Variants in THEM4 observed in about 807,000 individuals in gnomAD.
THEM4 encodes the protein acyl-coenzyme A thioesterase THEM4.
In THEM4, 22 loss-of-function variants were observed where a neutral mutation model predicts 25.0. That is an observed-to-expected ratio of 0.88 (90% CI 0.63 to 1.26). The LOEUF is 1.26. THEM4 is among the 50% of genes most tolerant of loss of function. THEM4 has a pLI of 0.00. For synonymous variants in THEM4, 113 were observed against 105.6 expected, an observed-to-expected ratio of 1.07 and a Z score of -0.43; for missense variants, 286 against 300.3, an observed-to-expected ratio of 0.95 and a Z score of 0.35.
intron 1 of THEM4, 50 bp downstream of exon 1, chr1:151,909,310 G>T: frequency 7.0e-7 from 1 of 1,426,376 alleles, no homozygotes; most frequent in East Asian, 2.8e-5. Context: ...TACCGCAGGC[G>T]TGTTTCTGAG....
intron 2 of THEM4, among the ~76,000 whole-genome samples, chr1:151,893,583 A>G (rs1448764240): frequency 2.0e-5 from 3 of 152,054 alleles, no homozygotes; most frequent in African/African-American, 7.2e-5. Context: ...AAGAGTGTGG[A>G]TGGTTCACTC....
chr1:151,877,228 T>C lies in THEM4; in HGVS notation c.558-103A>G, dbSNP rs191520356. On this transcript the variant is annotated intron_variant, in intron 4 of 5. Coordinates refer to ENST00000368814, the MANE Select transcript of THEM4 (RefSeq NM_053055.5). The stretch of plus-strand genomic sequence containing the variant: ...ACAAGGGATAGAAATTTATGACACC[T>C]GACAACAATGAGCACTGACTGCCTT... 105 of 1,212,140 alleles carry C rather than the reference T, an allele frequency of 8.7e-5. No homozygotes were observed. In the Admixed American group the frequency reaches 2.1e-3, roughly 24 times the overall value. The allele number at this position is 1,212,140 out of a possible 1,614,324, so 75.1% of individuals were successfully genotyped here. A position where few individuals can be genotyped will look rare whatever the true frequency, so the allele number is the denominator to read the frequency against.
chr1:151,877,089 GC>G lies in THEM4; in HGVS notation c.593del (p.Ser198ThrfsTer34), dbSNP rs1210864029. The G allele has an allele frequency of 6.2e-7, 1 of 1,613,360 alleles. No homozygotes were observed. The highest frequency in any genetic ancestry group is 8.5e-7 in the Non-Finnish European group (1 of 1,179,698). ...TCCTTCCTTCAACTTTATCAAGTTGGCTATTTATCATAACAACAGAACAAAG... is the reference window on the plus strand; with the variant it reads ...TCCTTCCTTCAACTTTATCAAGTTGGTATTTATCATAACAACAGAACAAAG... ...IPLCSVVMIN[S>X]QLDKVEGRKF... On this transcript the variant is annotated frameshift_variant, in exon 5 of 6. Coordinates refer to ENST00000368814, the MANE Select transcript of THEM4 (RefSeq NM_053055.5). LOFTEE classifies it high-confidence loss of function.
At chr1:151,896,522 A>T (rs1654229238) in intron 1 of THEM4, among the ~76,000 whole-genome samples, 1 of 152,206 alleles carries the variant, frequency 6.6e-6, no homozygotes, top group Non-Finnish European at 1.5e-5. Flanking sequence ...ACTATTTATT[A>T]TCCTCATTTT....
rs2101711442 is a variant in THEM4 at position 151,871,447 on chromosome 1, G to C, written c.*3441C>G. Among the ~76,000 whole-genome samples, 1 of 152,234 alleles carries C rather than the reference G, an allele frequency of 6.6e-6. No homozygotes were observed. Among genetic ancestry groups the C allele is most frequent in the Admixed American group, 6.5e-5 (1 of 15,274 alleles). Reference sequence around the variant, plus strand: ...TGGAGTGGAGCTGGCAATTCTGATAGCATCTCTCTCCTTCTTTCTACCTGT... The same window carrying C: ...TGGAGTGGAGCTGGCAATTCTGATACCATCTCTCTCCTTCTTTCTACCTGT... On this transcript the variant is annotated 3_prime_UTR_variant, in exon 6 of 6. Coordinates refer to ENST00000368814, the MANE Select transcript of THEM4 (RefSeq NM_053055.5).
intron 4 of THEM4, among the ~76,000 whole-genome samples, chr1:151,880,101 C>T (rs915604677): frequency 2.6e-5 from 4 of 151,996 alleles, no homozygotes; most frequent in Admixed American, 2.6e-4. Context: ...ATCCTCCTGC[C>T]TCAGCCTCCC....
chr1:151,908,592 A>T (rs1284946794), intron 1 of THEM4, among the ~76,000 whole-genome samples: 6 of 152,238 alleles, frequency 3.9e-5, no homozygotes, highest in Non-Finnish European at 7.3e-5. Context: ...AAGGGTGTTA[A>T]AAGAATTTTC....
At chr1:151,898,484 G>A (rs1250426552) in intron 1 of THEM4, among the ~76,000 whole-genome samples, 1 of 152,162 alleles carries the variant, frequency 6.6e-6, no homozygotes, top group African/African-American at 2.4e-5. Flanking sequence ...AGCCCCAGGT[G>A]ATGGTCCTTC....
At chr1:151,877,545 C>G (rs1347286903) in intron 4 of THEM4, among the ~76,000 whole-genome samples, 6 of 152,198 alleles carry the variant, frequency 3.9e-5, no homozygotes, top group Non-Finnish European at 8.8e-5. Context: ...ATTTCTCATT[C>G]AATTCTGAGT....
rs1242191991 is a variant in THEM4, at chr1:151,909,496, G to C, written c.-38C>G. On this transcript the variant is annotated 5_prime_UTR_variant, in exon 1 of 6. Coordinates refer to ENST00000368814, the MANE Select transcript of THEM4 (RefSeq NM_053055.5). ...CGGGGCCGCGCTTGCTCTAGCCCTGGACGGCGCACTCTACCTCCGCCACAA... is the reference window on the plus strand; with the variant it reads ...CGGGGCCGCGCTTGCTCTAGCCCTGCACGGCGCACTCTACCTCCGCCACAA... 7.5e-7 allele frequency: 1 copy of C among 1,338,360 alleles called. No homozygotes were observed. The allele number at this position is 1,338,360 out of a possible 1,614,324, so 82.9% of individuals were successfully genotyped here. A position where few individuals can be genotyped will look rare whatever the true frequency, so the allele number is the denominator to read the frequency against.
At chr1:151,884,686 T>G (rs151261316) in intron 4 of THEM4, among the ~76,000 whole-genome samples, 2 of 29,268 alleles carry the variant, frequency 6.8e-5, no homozygotes, top group Non-Finnish European at 1.7e-4. Flanking sequence ...TCCTTTTTTT[T>G]GTTTTTTTTT....
At chr1:151,888,161 TG>T in intron 4 of THEM4, 111 bp downstream of exon 4, 1 of 762,676 alleles carries the variant, frequency 1.3e-6, no homozygotes, top group Non-Finnish European at 2.1e-6. Flanking sequence ...TAGTCTCCTC[TG>T]GGAGCACTTC....
intron 1 of THEM4, among the ~76,000 whole-genome samples, chr1:151,899,482 C>CAAA (rs58168472): frequency 7.5e-4 from 71 of 94,628 alleles, no homozygotes; most frequent in African/African-American, 2.1e-3. Context: ...CAGAGTGAGT[C>CAAA]AAAAAAAAAA....
At chr1:151,907,478 C>T (rs924382819) in intron 1 of THEM4, among the ~76,000 whole-genome samples, 9 of 152,186 alleles carry the variant, frequency 5.9e-5, no homozygotes, top group East Asian at 3.9e-4. Flanking sequence ...CTATGCTTCA[C>T]GCCACTGTAA....
chr1:151,883,719 C>G (rs535431349), intron 4 of THEM4, among the ~76,000 whole-genome samples: 4 of 151,318 alleles, frequency 2.6e-5, no homozygotes, highest in South Asian at 2.1e-4. Context: ...ATTGCAACCT[C>G]CCAGGTTCAA....
At chr1:151,905,179 G>C (rs11204912) in intron 1 of THEM4, among the ~76,000 whole-genome samples, 134,838 of 152,214 alleles carry the variant, frequency 0.89, 59,891 homozygotes, top group South Asian at 0.93. Context: ...CCTTTGACTG[G>C]GAGAACAGGG....
chr1:151,877,029 A>G lies in THEM4; in HGVS notation c.654T>C (p.Asp218=). 1.2e-6 allele frequency: 2 copies of G among 1,613,414 alleles called. No individual in the cohort carries two copies. The highest frequency in any genetic ancestry group is 1.7e-6 in the Non-Finnish European group (2 of 1,179,714). Residue 218 remains aspartate, a synonymous_variant, in exon 5 of 6, where the codon GAT becomes GAC. Coordinates refer to ENST00000368814, the MANE Select transcript of THEM4 (RefSeq NM_053055.5). ...TCGCCTCTGAGTATAGGGTCTTCTC[A>G]TCAACACTCTGAACATTACAGGAAA... is the stretch of plus-strand genomic sequence containing the variant. ...FFVSCNVQSV[D]EKTLYSEATS... is the part of the protein sequence containing the mutation.
At position 151,894,726 on chromosome 1, in the gene THEM4, G is replaced by A. The variant is rs992093417; in HGVS notation, c.286+282C>T. ...GATGACAGCCTCAAGACGGAGAGGT[G>A]ATGAGGTTGTAGGAGGGTGGAAGCT... On this transcript the variant is annotated intron_variant, in intron 2 of 5. Transcript: ENST00000368814. The A allele has an allele frequency of 3.8e-5, 22 of 573,946 alleles. No homozygotes were observed. In the East Asian group the frequency reaches 6.1e-4, roughly 16 times the overall value. The allele number at this position is 573,946 out of a possible 1,614,324, so 35.6% of individuals were successfully genotyped here. A position where few individuals can be genotyped will look rare whatever the true frequency, so the allele number is the denominator to read the frequency against.
At chr1:151,891,734 G>T (rs1454296153) in intron 2 of THEM4, among the ~76,000 whole-genome samples, 2 of 152,110 alleles carry the variant, frequency 1.3e-5, no homozygotes, top group African/African-American at 4.8e-5. Context: ...CTGGGGCTGG[G>T]GGATAAGAAA....
Sources: gnomAD v4.1 joint callset for allele counts (sites outside exome capture counted in the v4.1 genomes callset) on GRCh38, gnomAD v4.1.1 for gene constraint, MANE v1.5 for transcripts, NCBI Gene and HGNC (gene_info 2026-07-23, HGNC 2026-07-21) for gene names.